FSTL4: variants seen among roughly 807,000 people sequenced by gnomAD.
FSTL4 encodes the protein follistatin like 4, also known as follistatin-related protein 4.
Under a neutral mutation model 78.2 loss-of-function variants are expected in FSTL4, and 28 were observed. The observed-to-expected ratio is 0.36, with a 90% CI of 0.27 to 0.49. FSTL4 has a LOEUF of 0.49. Among genes scored for constraint, FSTL4 ranks in the 20% least tolerant of loss-of-function variants. FSTL4 has a pLI of 0.98. For missense variants in FSTL4, 922 were observed against 1,084.9 expected (o/e 0.85, Z 2.11); for synonymous variants, 422 against 440.5 (o/e 0.96, Z 0.53).
At chr5:133,332,986 A>G (rs1754381671) in intron 4 of FSTL4, among the ~76,000 whole-genome samples, 1 of 152,072 alleles carries the variant, frequency 6.6e-6, no homozygotes, top group South Asian at 2.1e-4. Context: ...TTGCACGTGC[A>G]GGTGTCCTCT....
intron 3 of FSTL4, among the ~76,000 whole-genome samples, chr5:133,430,971 G>A (rs1756924170): frequency 6.6e-6 from 1 of 152,182 alleles, no homozygotes; most frequent in Non-Finnish European, 1.5e-5. Context: ...CTTCCTGGTG[G>A]ACAATAATTA....
At chr5:133,255,882 T>G (rs528173551) in intron 6 of FSTL4, among the ~76,000 whole-genome samples, 24 of 152,282 alleles carry the variant, frequency 1.6e-4, no homozygotes, top group African/African-American at 5.8e-4. Flanking sequence ...TCAGGCGCTA[T>G]TTCTCACACT....
chr5:133,462,841 C>T (rs1463951752), intron 3 of FSTL4, among the ~76,000 whole-genome samples: 1 of 152,110 alleles, frequency 6.6e-6, no homozygotes. Context: ...AATAATTTTC[C>T]CTACTATTTG....
intron 3 of FSTL4, among the ~76,000 whole-genome samples, chr5:133,512,279 C>G (rs927813109): frequency 1.3e-5 from 2 of 152,218 alleles, no homozygotes; most frequent in Non-Finnish European, 2.9e-5. Flanking sequence ...AGTTCAGACT[C>G]GATACTGATC....
chr5:133,607,901 T>C (rs1218875459), intron 1 of FSTL4, among the ~76,000 whole-genome samples: 1 of 107,530 alleles, frequency 9.3e-6, no homozygotes, highest in Admixed American at 1.1e-4. Context: ...AAAAATACGG[T>C]AGAAGGAAAG....
the FSTL4 span, among the ~76,000 whole-genome samples, chr5:133,708,441 AC>A: frequency 1.3e-5 from 2 of 151,952 alleles, no homozygotes; most frequent in African/African-American, 4.8e-5. Context: ...TCACTATGTG[AC>A]CTGATTACTC....
chr5:133,641,261 C>A, the FSTL4 span, among the ~76,000 whole-genome samples: 12 of 74,698 alleles, frequency 1.6e-4, no homozygotes, highest in Admixed American at 5.5e-4. Flanking sequence ...AAAACACACA[C>A]ACAAAAACAA....
At chr5:133,469,691 G>A (rs1041538856) in intron 3 of FSTL4, among the ~76,000 whole-genome samples, 6 of 152,160 alleles carry the variant, frequency 3.9e-5, no homozygotes, top group African/African-American at 1.4e-4. Context: ...GTCTTTAAAA[G>A]AGTAAATTAC....
the FSTL4 span, among the ~76,000 whole-genome samples, chr5:133,746,349 G>C: frequency 6.6e-6 from 1 of 152,138 alleles, no homozygotes; most frequent in African/African-American, 2.4e-5. Flanking sequence ...ATGAAACTAC[G>C]TGGTCCTGTC....
chr5:133,690,291 C>A, the FSTL4 span, among the ~76,000 whole-genome samples: 1 of 152,100 alleles, frequency 6.6e-6, no homozygotes, highest in Non-Finnish European at 1.5e-5. Flanking sequence ...GCCTGCCCAG[C>A]CTTCTCTGGA....
At chr5:133,407,521 T>C (rs769035772) in intron 3 of FSTL4, among the ~76,000 whole-genome samples, 16 of 152,196 alleles carry the variant, frequency 1.1e-4, no homozygotes, top group Non-Finnish European at 1.8e-4. Flanking sequence ...TGGTTATCCA[T>C]TGCTGGAAGG....
rs532474972 is a variant in FSTL4 at position 133,361,335 on chromosome 5, C to T, written c.409+39403G>A. Among the ~76,000 whole-genome samples the T allele has an allele frequency of 2.0e-5, 3 of 152,294 alleles. No individual in the cohort carries two copies. The highest frequency in any genetic ancestry group is 2.1e-4 in the South Asian group (1 of 4,828). Reference sequence around the variant, plus strand: ...CTTTGTATGTTATCTTGAGATTTCGCGGTTGACTGCGATAATCCTTTATAG... The same window carrying T: ...CTTTGTATGTTATCTTGAGATTTCGTGGTTGACTGCGATAATCCTTTATAG... On this transcript the variant is annotated intron_variant, in intron 4 of 15. Transcript: ENST00000265342. The surrounding 1 kb of genome is among the most constrained non-coding windows in gnomAD (Gnocchi z 4.3).
At chr5:133,491,113 G>T (rs571901105) in intron 3 of FSTL4, among the ~76,000 whole-genome samples, 11 of 151,808 alleles carry the variant, frequency 7.2e-5, no homozygotes, top group Admixed American at 5.2e-4. Flanking sequence ...AATAAAAATT[G>T]GAAAGAAAAA....
the FSTL4 span, among the ~76,000 whole-genome samples, chr5:133,680,509 GC>G: frequency 2.6e-4 from 39 of 152,256 alleles, no homozygotes; most frequent in Non-Finnish European, 4.9e-4. Flanking sequence ...ACAATACAAG[GC>G]CTCCACTTCT....
chr5:133,382,494 C>G (rs919557834), intron 4 of FSTL4, among the ~76,000 whole-genome samples: 5 of 152,218 alleles, frequency 3.3e-5, no homozygotes, highest in Non-Finnish European at 5.9e-5. Context: ...GAATACTGAG[C>G]AATAACTCAT....
At chr5:133,545,733 A>G (rs1224469207) in intron 3 of FSTL4, among the ~76,000 whole-genome samples, 8 of 152,218 alleles carry the variant, frequency 5.3e-5, no homozygotes, top group Admixed American at 1.3e-4. Context: ...AAATTGTTCC[A>G]AAAAAGTGAA....
At chr5:133,380,925 G>C (rs1179092901) in intron 4 of FSTL4, among the ~76,000 whole-genome samples, 2 of 152,008 alleles carry the variant, frequency 1.3e-5, no homozygotes, top group African/African-American at 4.8e-5. Flanking sequence ...TGTAAGATTG[G>C]TTTAACATAT....
chr5:133,404,834 A>G (rs1251654476), intron 3 of FSTL4, among the ~76,000 whole-genome samples: 1 of 152,186 alleles, frequency 6.6e-6, no homozygotes, highest in Non-Finnish European at 1.5e-5. Context: ...GCCAGCCACA[A>G]CCAAGAGCAC....
chr5:133,750,275 A>C, the FSTL4 span, among the ~76,000 whole-genome samples: 1 of 152,222 alleles, frequency 6.6e-6, no homozygotes, highest in East Asian at 1.9e-4. Context: ...TGCTTGCTCC[A>C]TGAAGTAATT....
Sources: gnomAD v4.1 joint callset for allele counts (sites outside exome capture counted in the v4.1 genomes callset) on GRCh38, gnomAD v4.1.1 for gene constraint, Gnocchi (gnomAD v3.1) non-coding constraint, MANE v1.5 for transcripts, NCBI Gene and HGNC (gene_info 2026-07-23, HGNC 2026-07-21) for gene names.